The following RALGPS2 variants were observed in gnomAD, a reference collection of about 807,000 sequenced individuals.
RALGPS2 encodes the protein ras-specific guanine nucleotide-releasing factor RalGPS2.
Under a neutral mutation model 86.8 loss-of-function variants are expected in RALGPS2, and 43 were observed. The observed-to-expected ratio is 0.50, with a 90% CI of 0.39 to 0.64. The LOEUF is 0.64. Among genes scored for constraint, RALGPS2 ranks in the 30% least tolerant of loss-of-function variants. The pLI is 0.00. For synonymous variants in RALGPS2, 243 were observed against 231.3 expected, an observed-to-expected ratio of 1.05 and a Z score of -0.46; for missense variants, 536 against 694.6, an observed-to-expected ratio of 0.77 and a Z score of 2.57.
chr1:178,910,918 T>G (rs1660598635), intron 19 of RALGPS2, among the ~76,000 whole-genome samples: 1 of 152,212 alleles, frequency 6.6e-6, no homozygotes, highest in South Asian at 2.1e-4. Context: ...GGTAGGTTGT[T>G]TATTACTGAT....
At chr1:178,770,570 G>A (rs1484757817) in intron 1 of RALGPS2, among the ~76,000 whole-genome samples, 2 of 139,526 alleles carry the variant, frequency 1.4e-5, no homozygotes, top group Admixed American at 7.3e-5. Flanking sequence ...GTGCAGTGGT[G>A]CAATCTTGGC....
chr1:178,726,261 G>T (rs1214147243), intron 1 of RALGPS2: 1 of 152,286 alleles, frequency 6.6e-6, no homozygotes, highest in Non-Finnish European at 1.5e-5. Flanking sequence ...CGAGCCACGA[G>T]CGAGGAACTA....
In RALGPS2 at chr1:178,896,851, C is replaced by T. The variant is rs572861179; in HGVS notation, c.1432-813C>T. On this transcript the variant is annotated intron_variant, in intron 16 of 19. Coordinates refer to ENST00000367635, the MANE Select transcript of RALGPS2 (RefSeq NM_152663.5). ...GTATATGTGCCACATTTTCTTAATC[C>T]AGTCTATCATTGTTGGACATTTGGA... is the stretch of plus-strand genomic sequence containing the variant. Among the ~76,000 whole-genome samples the T allele has an allele frequency of 2.6e-4, 39 of 149,358 alleles. No individual in the cohort carries two copies. In the Middle Eastern group the frequency reaches 0.01, roughly 39 times the overall value.
chr1:178,807,911 A>T (rs1047950749), intron 4 of RALGPS2, 134 bp from the exon 5 acceptor site: 81 of 689,176 alleles, frequency 1.2e-4, no homozygotes, highest in Non-Finnish European at 1.3e-5. Context: ...AATGGATATA[A>T]TATTATGTAT....
At chr1:178,894,605 A>G (rs138035452) in intron 16 of RALGPS2, among the ~76,000 whole-genome samples, 122 of 152,188 alleles carry the variant, frequency 8.0e-4, no homozygotes, top group African/African-American at 2.7e-3. Flanking sequence ...TTATCATGTT[A>G]CTCAGAACAA....
intron 18 of RALGPS2, among the ~76,000 whole-genome samples, chr1:178,904,804 C>G (rs1412491867): frequency 6.6e-6 from 1 of 152,080 alleles, no homozygotes; most frequent in Non-Finnish European, 1.5e-5. Context: ...TTGTTCTTTT[C>G]ACTTAGTCTT....
At chr1:178,898,250 A>C (rs1045035291) in intron 17 of RALGPS2, among the ~76,000 whole-genome samples, 1 of 152,040 alleles carries the variant, frequency 6.6e-6, no homozygotes, top group East Asian at 1.9e-4. Context: ...TTGTTTTTAC[A>C]TACCAGTGAT....
intron 1 of RALGPS2, among the ~76,000 whole-genome samples, chr1:178,729,038 C>T (rs1331557247): frequency 6.6e-6 from 1 of 152,160 alleles, no homozygotes; most frequent in Non-Finnish European, 1.5e-5. Context: ...TATTTCATTA[C>T]AGAGAAACTT....
intron 8 of RALGPS2, among the ~76,000 whole-genome samples, chr1:178,873,991 C>T (rs555395863): frequency 7.9e-5 from 12 of 152,286 alleles, no homozygotes; most frequent in African/African-American, 2.9e-4. Flanking sequence ...CGCCATTCTC[C>T]TGCCTCAGCC....
intron 6 of RALGPS2, among the ~76,000 whole-genome samples, chr1:178,815,737 T>G (rs1172298877): frequency 6.6e-6 from 1 of 152,110 alleles, no homozygotes; most frequent in Non-Finnish European, 1.5e-5. Flanking sequence ...ACAAAGTTCC[T>G]TCAAGCATTT....
At position 178,916,316 on chromosome 1, in the gene RALGPS2, C is replaced by T; in HGVS notation, c.1723-14C>T. On this transcript the variant is annotated splice_polypyrimidine_tract_variant and intron_variant, in intron 19 of 19. Coordinates refer to ENST00000367635, the MANE Select transcript of RALGPS2 (RefSeq NM_152663.5). ...CAACTTTTAAACTCAGTTTTTAATGCTTATATTTTTTAGGTTCCTACAAAC... is the reference window on the plus strand; with the variant it reads ...CAACTTTTAAACTCAGTTTTTAATGTTTATATTTTTTAGGTTCCTACAAAC... 6.3e-7 allele frequency: 1 copy of T among 1,582,176 alleles called. No individual in the cohort carries two copies. Among genetic ancestry groups the T allele is most frequent in the Non-Finnish European group, 8.7e-7 (1 of 1,153,112 alleles).
chr1:178,808,670 GC>G (rs1174618063), intron 5 of RALGPS2, among the ~76,000 whole-genome samples: 1 of 152,006 alleles, frequency 6.6e-6, no homozygotes, highest in Non-Finnish European at 1.5e-5. Context: ...TTTTGCTGCT[GC>G]CTCAATTGAG....
At chr1:178,739,084 GT>G (rs1327093840) in intron 1 of RALGPS2, among the ~76,000 whole-genome samples, 4 of 152,090 alleles carry the variant, frequency 2.6e-5, no homozygotes, top group Non-Finnish European at 5.9e-5. Context: ...TGATTAGTAA[GT>G]TTTTTCTTTT....
At chr1:178,829,071 A>G (rs561646412) in intron 7 of RALGPS2, among the ~76,000 whole-genome samples, 14 of 152,366 alleles carry the variant, frequency 9.2e-5, no homozygotes, top group African/African-American at 1.4e-4. Context: ...TATATACACA[A>G]TGGAATACTA....
chr1:178,855,002 C>T (rs1348432034), intron 8 of RALGPS2, among the ~76,000 whole-genome samples: 1 of 151,870 alleles, frequency 6.6e-6, no homozygotes. Context: ...CTAAAGATCT[C>T]TTAGAACAAA....
At chr1:178,838,360 G>GCACCCCA (rs1656392789) in intron 8 of RALGPS2, among the ~76,000 whole-genome samples, 2 of 152,206 alleles carry the variant, frequency 1.3e-5, no homozygotes, top group African/African-American at 4.8e-5. Context: ...AACATTTGCT[G>GCACCCCA]TTCAGCAATA....
At chr1:178,728,533 C>T (rs958559354) in intron 1 of RALGPS2, among the ~76,000 whole-genome samples, 15 of 150,030 alleles carry the variant, frequency 1.0e-4, no homozygotes, top group African/African-American at 3.4e-4. Context: ...TATTGTGTAA[C>T]GACTGTATTT....
chr1:178,754,890 C>T (rs530988526), intron 1 of RALGPS2, among the ~76,000 whole-genome samples: 1 of 152,338 alleles, frequency 6.6e-6, no homozygotes, highest in African/African-American at 2.4e-5. Flanking sequence ...ACTTCTGCCT[C>T]CCATATTCAA....
At chr1:178,776,870 A>G in intron 2 of RALGPS2, 49 bp downstream of exon 2, 2 of 1,470,170 alleles carry the variant, frequency 1.4e-6, no homozygotes, top group Non-Finnish European at 1.9e-6. Context: ...CTGGCTTTCT[A>G]ATTTTTCAAG....
Sources: gnomAD v4.1 joint callset for allele counts (sites outside exome capture counted in the v4.1 genomes callset) on GRCh38, gnomAD v4.1.1 for gene constraint, MANE v1.5 for transcripts, NCBI Gene and HGNC (gene_info 2026-07-23, HGNC 2026-07-21) for gene names.